The following PDE2A variants were observed in gnomAD, a reference collection of about 807,000 sequenced individuals.
PDE2A encodes phosphodiesterase 2A.
PDE2A carries 53 observed loss-of-function variants against 133.6 expected under a neutral mutation model. The observed-to-expected ratio is 0.40, with a 90% CI of 0.32 to 0.50. The LOEUF (loss-of-function observed/expected upper bound fraction) is 0.50. PDE2A is among the 20% of genes least tolerant of loss of function. PDE2A has a pLI of 0.73. For missense variants in PDE2A, 796 were observed against 1,232.4 expected, an observed-to-expected ratio of 0.65 and a Z score of 5.30; for synonymous variants, 491 against 490.2, an observed-to-expected ratio of 1.00 and a Z score of -0.02.
intron 1 of PDE2A, among the ~76,000 whole-genome samples, chr11:72,667,145 ATG>A (rs1855259639): frequency 6.6e-6 from 1 of 152,186 alleles, no homozygotes; most frequent in South Asian, 2.1e-4. Context: ...ATGCTCACAC[ATG>A]TGAGTATGTT....
At chr11:72,655,491 GT>G (rs1353826566) in intron 1 of PDE2A, among the ~76,000 whole-genome samples, 1 of 111,442 alleles carries the variant, frequency 9.0e-6, no homozygotes, top group Non-Finnish European at 2.1e-5. Context: ...GTGAGTGCCT[GT>G]GTGTGTGTGT....
chr11:72,577,362 AG>A lies in PDE2A; in HGVS notation c.*21del. The stretch of plus-strand genomic sequence containing the variant: ...GAGGGCTGTGGGAGGTGGCCTGGGC[AG>A]GGAAGTGTCCCTGGAGGGGATCACT... On this transcript the variant is annotated 3_prime_UTR_variant, in exon 31 of 31. Coordinates refer to ENST00000334456, the MANE Select transcript of PDE2A (RefSeq NM_002599.5). 6.3e-7 allele frequency: 1 copy of A among 1,588,426 alleles called. No homozygotes were observed. The highest frequency in any genetic ancestry group is 8.6e-7 in the Non-Finnish European group (1 of 1,159,842).
Position 72,579,278 on chromosome 11 carries a change from A to T in PDE2A, c.2356+6T>A. ...AGCCCCAAGGACTGGGGCTAACAGCAGTCACCCTCAGCCATCTTCTGGAGG... is the reference window on the plus strand; with the variant it reads ...AGCCCCAAGGACTGGGGCTAACAGCTGTCACCCTCAGCCATCTTCTGGAGG... On this transcript the variant is annotated splice_donor_region_variant and intron_variant, in intron 27 of 30. Coordinates refer to ENST00000334456, the MANE Select transcript of PDE2A (RefSeq NM_002599.5). 1 of 1,596,604 alleles carries T rather than the reference A, an allele frequency of 6.3e-7. No homozygotes were observed. The highest frequency in any genetic ancestry group is 8.6e-7 in the Non-Finnish European group (1 of 1,164,376).
At chr11:72,610,703 T>A (rs1235179299) in intron 2 of PDE2A, among the ~76,000 whole-genome samples, 1 of 152,140 alleles carries the variant, frequency 6.6e-6, no homozygotes, top group Non-Finnish European at 1.5e-5. Context: ...ATACCCAAAT[T>A]GGATCACTTG....
chr11:72,579,078 A>G, intron 27 of PDE2A, 69 bp from the exon 28 acceptor site: 1 of 1,224,112 alleles, frequency 8.2e-7, no homozygotes, highest in Non-Finnish European at 1.2e-6. Context: ...CAAGGCTCCC[A>G]GGGCCCAACC....
intron 13 of PDE2A, among the ~76,000 whole-genome samples, chr11:72,588,369 C>T (rs1482958661): frequency 1.2e-4 from 17 of 146,582 alleles, no homozygotes; most frequent in Non-Finnish European, 8.9e-5. Flanking sequence ...TTTATAGCTG[C>T]CCTGTCAGGG....
At chr11:72,665,040 A>G (rs1855194434) in intron 1 of PDE2A, among the ~76,000 whole-genome samples, 1 of 150,978 alleles carries the variant, frequency 6.6e-6, no homozygotes, top group Non-Finnish European at 1.5e-5. Flanking sequence ...TCCCAACCTC[A>G]GGTGATCCAC....
intron 3 of PDE2A, 137 bp downstream of exon 3, chr11:72,608,525 T>G (rs539371841): frequency 3.0e-5 from 18 of 599,838 alleles, no homozygotes; most frequent in Non-Finnish European, 4.6e-5. Flanking sequence ...ATCCAGACCC[T>G]TCACTTCCCC....
intron 6 of PDE2A, among the ~76,000 whole-genome samples, chr11:72,592,825 A>T (rs1856312184): frequency 6.6e-6 from 1 of 151,862 alleles, no homozygotes; most frequent in Non-Finnish European, 1.5e-5. Context: ...GCTGTCAAGG[A>T]TGGTGTTTAA....
At chr11:72,581,546 CA>C in intron 22 of PDE2A, 67 bp from the exon 23 acceptor site, 1 of 1,498,934 alleles carries the variant, frequency 6.7e-7, no homozygotes, top group African/African-American at 1.4e-5. Flanking sequence ...CCCATGATGG[CA>C]AACTACATGT....
intron 2 of PDE2A, among the ~76,000 whole-genome samples, chr11:72,625,236 G>T (rs927397597): frequency 6.6e-6 from 1 of 152,156 alleles, no homozygotes; most frequent in Non-Finnish European, 1.5e-5. Context: ...ATCCTCCCCT[G>T]GTCCACCAAC....
At chr11:72,596,800 C>G (rs1020057389) in intron 5 of PDE2A, 152 bp from the exon 6 acceptor site, 1 of 422,304 alleles carries the variant, frequency 2.4e-6, no homozygotes, top group African/African-American at 2.0e-5. Context: ...AACACAGAGG[C>G]GGGTCCTGAG....
At position 72,597,627 on chromosome 11, in the gene PDE2A, G is replaced by T; in HGVS notation, c.324-8C>A. ...TGGGAGATGATAGCCTCCCTGAAAAGAGGACATGATGCCACCTTGAGAGCC... is the reference window on the plus strand; with the variant it reads ...TGGGAGATGATAGCCTCCCTGAAAATAGGACATGATGCCACCTTGAGAGCC... On this transcript the variant is annotated splice_polypyrimidine_tract_variant and splice_region_variant and intron_variant, in intron 4 of 30. Transcript: ENST00000334456. This position sits in a 1 kb window ranked among gnomAD's most constrained non-coding sequence, Gnocchi z 4.6. 1 of 1,597,520 alleles carries T rather than the reference G, an allele frequency of 6.3e-7. No individual in the cohort carries two copies. The highest frequency in any genetic ancestry group is 8.6e-7 in the Non-Finnish European group (1 of 1,166,434).
At chr11:72,635,185 T>C (rs1437339072) in intron 2 of PDE2A, among the ~76,000 whole-genome samples, 1 of 152,166 alleles carries the variant, frequency 6.6e-6, no homozygotes, top group Non-Finnish European at 1.5e-5. Context: ...CTCTCGAATG[T>C]ACACACACCA....
intron 6 of PDE2A, 65 bp from the exon 7 acceptor site, chr11:72,591,421 C>T (rs972606918): frequency 5.5e-6 from 7 of 1,271,106 alleles, no homozygotes; most frequent in Admixed American, 3.4e-5. Flanking sequence ...CCAGAGTGCC[C>T]TCCCCATGCG....
chr11:72,642,507 C>T (rs1030249357), intron 1 of PDE2A, 181 bp from the exon 2 acceptor site: 7 of 586,234 alleles, frequency 1.2e-5, no homozygotes, highest in African/African-American at 2.1e-5. Flanking sequence ...GCCCCCGGCC[C>T]GCCCCGGCCC....
intron 12 of PDE2A, 84 bp downstream of exon 12, chr11:72,589,091 C>T: frequency 7.5e-7 from 1 of 1,327,908 alleles, no homozygotes; most frequent in East Asian, 2.4e-5. Context: ...CATTCCTAGG[C>T]TGCTCTGTAA....
rs563833690 is a variant in PDE2A at position 72,611,336 on chromosome 11, C to T, written c.145-2585G>A. 5.9e-5 allele frequency among the ~76,000 whole-genome samples: 9 copies of T among 152,312 alleles called. No homozygotes were observed. In the South Asian group the frequency reaches 8.3e-4, roughly 14 times the overall value. On this transcript the variant is annotated intron_variant, in intron 2 of 30. Coordinates refer to ENST00000334456, the MANE Select transcript of PDE2A (RefSeq NM_002599.5). ...AGAGCCAGGTCCAGAACCCAAACCT[C>T]TGGATCTCTAGCCCTGTCTGGTTCC...
chr11:72,646,004 AG>A (rs1859119239), intron 1 of PDE2A, among the ~76,000 whole-genome samples: 1 of 152,222 alleles, frequency 6.6e-6, no homozygotes, highest in African/African-American at 2.4e-5. Context: ...AAGCCAGGTA[AG>A]GAAATCAGAT....
Sources: gnomAD v4.1 joint callset for allele counts (sites outside exome capture counted in the v4.1 genomes callset) on GRCh38, gnomAD v4.1.1 for gene constraint, Gnocchi (gnomAD v3.1) non-coding constraint, MANE v1.5 for transcripts, NCBI Gene and HGNC (gene_info 2026-07-23, HGNC 2026-07-21) for gene names.